RASAL1: variants seen among roughly 807,000 people sequenced by gnomAD.
RASAL1 encodes rasGAP-activating-like protein 1.
A neutral mutation model predicts 96.6 loss-of-function variants in RASAL1; 72 were observed. The observed-to-expected ratio is 0.75, with a 90% CI of 0.62 to 0.91. The LOEUF is 0.91. Among genes scored for constraint, RASAL1 ranks in the 40% least tolerant of loss-of-function variants. The pLI is 0.00. For synonymous variants in RASAL1, 405 were observed against 430.4 expected, an observed-to-expected ratio of 0.94 and a Z score of 0.73; for missense variants, 1,016 against 1,072.5, an observed-to-expected ratio of 0.95 and a Z score of 0.74.
chr12:113,121,453 G>T, intron 5 of RASAL1, 56 bp downstream of exon 5: 1 of 1,605,854 alleles, frequency 6.2e-7, no homozygotes, highest in South Asian at 1.1e-5. Context: ...GGGAGACCCA[G>T]GGGACTCCTG....
rs769191485 is a variant in RASAL1 at position 113,116,033 on chromosome 12, C to A, written c.750G>T (p.Leu250=). Residue 250 remains leucine (L), a synonymous_variant, in exon 9 of 21, where the codon CTG becomes CTT. Transcript: ENST00000548055. The stretch of plus-strand genomic sequence containing the variant: ...CCTCAATCAGGCGTACCTTCACTCG[C>A]AGGGCACCCAGGTTCCCCCTGTCCA... ...EEDSGGNLGA[L]RVKVRLIEDR... The A allele has an allele frequency of 2.5e-6, 4 of 1,591,032 alleles. No homozygotes were observed. Among genetic ancestry groups the A allele is most frequent in the Admixed American group, 1.8e-5 (1 of 55,580 alleles).
At chr12:113,116,205 A>G (rs1251068299) in intron 8 of RASAL1, among the ~76,000 whole-genome samples, 154 bp from the exon 9 acceptor site, 1 of 152,148 alleles carries the variant, frequency 6.6e-6, no homozygotes, top group East Asian at 1.9e-4. Context: ...CCCCATCTCT[A>G]CTAAAAATAC....
At chr12:113,109,457 C>T (rs933146985) in intron 13 of RASAL1, among the ~76,000 whole-genome samples, 7 of 152,174 alleles carry the variant, frequency 4.6e-5, no homozygotes, top group Non-Finnish European at 1.0e-4. Context: ...GGTTCCCCTC[C>T]ATGTGAATCC....
chr12:113,117,693 C>G (rs1032890630), intron 7 of RASAL1, among the ~76,000 whole-genome samples: 1 of 152,172 alleles, frequency 6.6e-6, no homozygotes, highest in Non-Finnish European at 1.5e-5. Flanking sequence ...TCTATGAGCC[C>G]TAAAGAGCCT....
chr12:113,121,716 C>T (rs1951301177), intron 4 of RASAL1, 78 bp from the exon 5 acceptor site: 2 of 1,483,748 alleles, frequency 1.3e-6, no homozygotes, highest in South Asian at 2.4e-5. Context: ...ATTCAATTAA[C>T]ATTATTTTCA....
At chr12:113,122,274 C>T (rs1476942827) in intron 4 of RASAL1, among the ~76,000 whole-genome samples, 2 of 152,240 alleles carry the variant, frequency 1.3e-5, no homozygotes, top group South Asian at 2.1e-4. Context: ...CCAACATACT[C>T]TCCCCTCAAA....
chr12:113,132,173 A>G (rs1016522903), intron 1 of RASAL1, among the ~76,000 whole-genome samples: 1 of 151,918 alleles, frequency 6.6e-6, no homozygotes, highest in African/African-American at 2.4e-5. Flanking sequence ...GGGTTTCACC[A>G]TGCTGGCCAG....
chr12:113,128,080 T>C lies in RASAL1; in HGVS notation c.221A>G (p.Asp74Gly), dbSNP rs769112911. Residue 74 changes from aspartate (D) to glycine (G), a missense_variant, in exon 3 of 21, where the codon GAT becomes GGT. Physicochemically the swap from Asp to Gly is moderately conservative, Grantham distance 94. Coordinates refer to ENST00000548055, the MANE Select transcript of RASAL1 (RefSeq NM_001301202.2). The part of the protein sequence containing the change: ...DFHQLAFYVL[D>G]EDTVGHDDII... ...AACCACAAACCCGACAGTGTCCTCA[T>C]CCAGCACGTAGAAGGCCAGCTGGTG... 6.2e-7 allele frequency: 1 copy of C among 1,613,748 alleles called. No individual in the cohort carries two copies. Among genetic ancestry groups the C allele is most frequent in the Non-Finnish European group, 8.5e-7 (1 of 1,179,894 alleles).
At position 113,099,825 on chromosome 12, in the gene RASAL1, C is replaced by T. The variant is rs1592866945; in HGVS notation, c.*104G>A. ...CACGTCTCTGGGAGCCTCCAAACCA[C>T]AGAATCAAAGAGGTCCAAGGAGACA... On this transcript the variant is annotated 3_prime_UTR_variant, in exon 21 of 21. Coordinates refer to ENST00000548055, the MANE Select transcript of RASAL1 (RefSeq NM_001301202.2). 6.1e-6 allele frequency: 9 copies of T among 1,476,902 alleles called. No individual in the cohort carries two copies. In the East Asian group the frequency reaches 1.8e-4, roughly 30 times the overall value. The allele number at this position is 1,476,902 out of a possible 1,614,324, so 91.5% of individuals were successfully genotyped here.
At position 113,129,713 on chromosome 12, in the gene RASAL1, C is replaced by T. The variant is rs139215075; in HGVS notation, c.122+1172G>A. ...CCCTAAGAAAGAGTGCACATATGCG[C>T]GCGTGCGCGCACACACACACACACA... On this transcript the variant is annotated intron_variant, in intron 2 of 20. Transcript: ENST00000548055. This position sits in a 1 kb window ranked among gnomAD's most constrained non-coding sequence, Gnocchi z 5.0. Among the ~76,000 whole-genome samples, 1,678 of 152,212 alleles carry T rather than the reference C, an allele frequency of 0.011. 10 individuals are homozygous for T. Among genetic ancestry groups the T allele is most frequent in the Middle Eastern group, 0.034 (10 of 294 alleles).
At position 113,118,806 on chromosome 12, in the gene RASAL1, A is replaced by G. The variant is rs3759379; in HGVS notation, c.642+322T>C. Reference sequence around the variant, plus strand: ...ACAGTCCCAGCCTCATAGGGTAGCCATGAAGGTTAAGTAATGAGGCTCTGT... The same window carrying G: ...ACAGTCCCAGCCTCATAGGGTAGCCGTGAAGGTTAAGTAATGAGGCTCTGT... On this transcript the variant is annotated intron_variant, in intron 7 of 20. Coordinates refer to ENST00000548055, the MANE Select transcript of RASAL1 (RefSeq NM_001301202.2). 5.9e-5 allele frequency among the ~76,000 whole-genome samples: 9 copies of G among 152,274 alleles called. No individual in the cohort carries two copies. In the East Asian group the frequency reaches 1.7e-3, roughly 29 times the overall value.
At chr12:113,107,607 A>G in intron 14 of RASAL1, 1 of 445,578 alleles carries the variant, frequency 2.2e-6, no homozygotes, top group Non-Finnish European at 4.4e-6. Flanking sequence ...TGGGTGACAG[A>G]GCGAGACTTG....
rs369328234 is a variant in RASAL1 at position 113,107,138 on chromosome 12, C to G, written c.1616G>C (p.Arg539Thr). 1 of 1,613,774 alleles carries G rather than the reference C, an allele frequency of 6.2e-7. No individual in the cohort carries two copies. The highest frequency in any genetic ancestry group is 8.5e-7 in the Non-Finnish European group (1 of 1,179,860). ...PFLLQCVSRV[R>T]DFLDRLVDVD... Reference sequence around the variant, plus strand: ...ATCCACCAGCCGGTCCAGGAAGTCTCTCACACGTGAGACACACTGCAGCAG... The same window carrying G: ...ATCCACCAGCCGGTCCAGGAAGTCTGTCACACGTGAGACACACTGCAGCAG... The change falls in exon 15 of 21, where the codon AGA (arginine) becomes ACA (threonine). Residue 539 changes from arginine to threonine, a missense_variant. Coordinates refer to ENST00000548055, the MANE Select transcript of RASAL1 (RefSeq NM_001301202.2).
chr12:113,125,686 G>T (rs1951455919), intron 4 of RASAL1, among the ~76,000 whole-genome samples: 2 of 152,154 alleles, frequency 1.3e-5, no homozygotes, highest in African/African-American at 2.4e-5. Context: ...TCCATGGAGG[G>T]TAATTTAGCA....
chr12:113,122,730 A>G (rs1211924488), intron 4 of RASAL1, among the ~76,000 whole-genome samples: 1 of 152,230 alleles, frequency 6.6e-6, no homozygotes. Context: ...TAGAGATTGC[A>G]CTGCTTCTAT....
chr12:113,112,227 G>C lies in RASAL1; in HGVS notation c.1233C>G (p.Ser411Arg). The C allele has an allele frequency of 7.9e-7, 1 of 1,267,088 alleles. No individual in the cohort carries two copies. The highest frequency in any genetic ancestry group is 3.7e-5 in the South Asian group (1 of 27,220). The allele number at this position is 1,267,088 out of a possible 1,614,324, so 78.5% of individuals were successfully genotyped here. ...CCAGGTAGCCCGTCAGCAGCCCCAG[G>C]CTGGTCTCCCGCATCTGCTCCTCCG... is the stretch of plus-strand genomic sequence containing the variant. ...ALSEEQMRET[S>R]LGLLTGYLGP... Residue 411 changes from serine to arginine, a missense_variant, in exon 13 of 21, where the codon AGC (serine) becomes AGG (arginine). Ser to Arg is a moderately radical substitution (Grantham distance 110, BLOSUM62 -1). Transcript: ENST00000548055.
chr12:113,110,930 GTAAA>G (rs1950844906), intron 13 of RASAL1, among the ~76,000 whole-genome samples: 1 of 152,136 alleles, frequency 6.6e-6, no homozygotes, highest in South Asian at 2.1e-4. Context: ...TTAGTAATAA[GTAAA>G]TAAATAAATA....
intron 19 of RASAL1, 58 bp downstream of exon 19, chr12:113,101,831 G>T: frequency 6.3e-7 from 1 of 1,580,700 alleles, no homozygotes; most frequent in Admixed American, 1.8e-5. Context: ...CAAGGCCACG[G>T]TGGGGGGCTG....
At position 113,130,495 on chromosome 12, in the gene RASAL1, A is replaced by T. The variant is rs1464369396; in HGVS notation, c.122+390T>A. Among the ~76,000 whole-genome samples the T allele has an allele frequency of 1.3e-5, 2 of 151,998 alleles. No homozygotes were observed. The highest frequency in any genetic ancestry group is 3.9e-4 in the East Asian group (2 of 5,168). Reference sequence around the variant, plus strand: ...CCCCCTGCAACTCACAAGCAGGCCCAGCTGGGCGGGTGCACACACAGACAC... The same window carrying T: ...CCCCCTGCAACTCACAAGCAGGCCCTGCTGGGCGGGTGCACACACAGACAC... On this transcript the variant is annotated intron_variant, in intron 2 of 20. Coordinates refer to ENST00000548055, the MANE Select transcript of RASAL1 (RefSeq NM_001301202.2). The surrounding 1 kb of genome is among the most constrained non-coding windows in gnomAD (Gnocchi z 5.1).
Sources: gnomAD v4.1 joint callset for allele counts (sites outside exome capture counted in the v4.1 genomes callset) on GRCh38, gnomAD v4.1.1 for gene constraint, Gnocchi (gnomAD v3.1) non-coding constraint, MANE v1.5 for transcripts, NCBI Gene and HGNC (gene_info 2026-07-23, HGNC 2026-07-21) for gene names.